Variants in RNF123 observed in about 807,000 individuals in gnomAD.
RNF123 encodes the protein E3 ubiquitin-protein ligase RNF123.
In RNF123, 86 loss-of-function variants were observed where a neutral mutation model predicts 168.5. The ratio of observed to expected loss-of-function variants is 0.51; its 90% CI spans 0.43 to 0.61. RNF123 has a LOEUF of 0.61. Among genes scored for constraint, RNF123 ranks in the 20% least tolerant of loss-of-function variants. The probability of loss-of-function intolerance (pLI) is 0.00; values close to 1 mark genes in which losing one functional copy is unlikely to be tolerated. For synonymous variants in RNF123, 666 were observed against 689.1 expected (o/e 0.97, Z 0.52); for missense variants, 1,419 against 1,729.7 (o/e 0.82, Z 3.19).
chr3:49,691,743 G>A (rs548182067), intron 3 of RNF123, among the ~76,000 whole-genome samples: 2 of 152,302 alleles, frequency 1.3e-5, no homozygotes, highest in African/African-American at 4.8e-5. Context: ...GTCAGGGAGC[G>A]GGTGCACATT....
At chr3:49,712,344 C>A in intron 26 of RNF123, 135 bp from the exon 27 acceptor site, 1 of 789,116 alleles carries the variant, frequency 1.3e-6, no homozygotes, top group Non-Finnish European at 2.0e-6. Context: ...TGAGCTACTG[C>A]TCATGCTTCC....
At position 49,697,219 on chromosome 3, in the gene RNF123, CAGGGTATGTGGCCA is replaced by C; in HGVS notation, c.245_247+11del. 1 of 1,613,940 alleles carries C rather than the reference CAGGGTATGTGGCCA, an allele frequency of 6.2e-7. No individual in the cohort carries two copies. The highest frequency in any genetic ancestry group is 8.5e-7 in the Non-Finnish European group (1 of 1,179,874). ...GGTGGACAATGAGGAGGAGGAAAGCCAGGGTATGTGGCCACCTCTGGAGTGGGGTTGGGAGGTGC... is the reference window on the plus strand; with the variant it reads ...GGTGGACAATGAGGAGGAGGAAAGCCCCTCTGGAGTGGGGTTGGGAGGTGC... On this transcript the variant is annotated splice_donor_variant and splice_donor_5th_base_variant and coding_sequence_variant and intron_variant, in exon 4 of 39. Transcript: ENST00000327697. LOFTEE classifies it high-confidence loss of function.
intron 27 of RNF123, chr3:49,712,871 A>C (rs1210251897): frequency 4.2e-6 from 3 of 707,882 alleles, no homozygotes; most frequent in Non-Finnish European, 7.7e-6. Context: ...CTAGCAAAGG[A>C]AAACAGACAA....
intron 26 of RNF123, among the ~76,000 whole-genome samples, chr3:49,709,108 C>T (rs1358599411): frequency 6.6e-6 from 1 of 150,604 alleles, no homozygotes; most frequent in Non-Finnish European, 1.5e-5. Context: ...GTGCGCACCA[C>T]CATGCTCGGC....
chr3:49,717,662 ACAGGG>A, intron 35 of RNF123: 3 of 514,252 alleles, frequency 5.8e-6, no homozygotes, highest in Non-Finnish European at 1.0e-5. Context: ...TCTCAGCCTC[ACAGGG>A]CATTTGGGCA....
intron 28 of RNF123, 39 bp from the exon 29 acceptor site, chr3:49,713,699 C>A: frequency 6.3e-7 from 1 of 1,576,326 alleles, no homozygotes; most frequent in Non-Finnish European, 8.6e-7. Context: ...GTCCAGGGCT[C>A]ATGCCAAGCC....
At chr3:49,711,928 C>T (rs140243208) in intron 26 of RNF123, among the ~76,000 whole-genome samples, 21 of 152,246 alleles carry the variant, frequency 1.4e-4, no homozygotes, top group Non-Finnish European at 2.9e-4. Context: ...ACACCTTGTA[C>T]TCCACTTTTC....
chr3:49,702,398 G>T lies in RNF123; in HGVS notation c.1622G>T (p.Gly541Val). The T allele has an allele frequency of 6.2e-7, 1 of 1,614,172 alleles. No individual in the cohort carries two copies. The highest frequency in any genetic ancestry group is 1.1e-5 in the South Asian group (1 of 91,082). ...AAGTTTCTGCAGGAGAACGCCAGTG[G>T]CCGGGGGGTAGGTGTCCTCCAGGCC... ...FRKFLQENAS[G>V]RGNMPMLCPP... The change falls in exon 19 of 39, where the codon GGC (glycine) becomes GTC (valine). Residue 541 changes from glycine to valine, a missense_variant. Gly to Val is a moderately radical substitution (Grantham distance 109, BLOSUM62 -3). Coordinates refer to ENST00000327697, the MANE Select transcript of RNF123 (RefSeq NM_022064.5).
chr3:49,714,873 C>T (rs1489834717), intron 31 of RNF123, among the ~76,000 whole-genome samples: 1 of 152,222 alleles, frequency 6.6e-6, no homozygotes, highest in Non-Finnish European at 1.5e-5. Context: ...CAAAGGGTGT[C>T]CCCAGAGAGG....
chr3:49,703,969 C>T (rs1248191524), intron 21 of RNF123, among the ~76,000 whole-genome samples: 1 of 152,108 alleles, frequency 6.6e-6, no homozygotes, highest in Non-Finnish European at 1.5e-5. Context: ...CCCAGGTGTC[C>T]CCACACAGGA....
intron 3 of RNF123, among the ~76,000 whole-genome samples, chr3:49,696,549 G>A (rs2054271728): frequency 6.6e-6 from 1 of 152,024 alleles, no homozygotes; most frequent in South Asian, 2.1e-4. Context: ...ATGTTGGCCA[G>A]GCTGGTCTTG....
intron 35 of RNF123, chr3:49,718,260 C>G: frequency 1.2e-6 from 2 of 1,612,314 alleles, no homozygotes; most frequent in Non-Finnish European, 8.5e-7. Flanking sequence ...GTGGGGCGAA[C>G]AGGTAGAGCA....
intron 2 of RNF123, 31 bp from the exon 3 acceptor site, chr3:49,691,394 G>A: frequency 6.2e-7 from 1 of 1,612,350 alleles, no homozygotes; most frequent in Non-Finnish European, 8.5e-7. Context: ...TGATCATGTG[G>A]CCCTTTTCTC....
chr3:49,711,454 T>C (rs1317972450), intron 26 of RNF123, among the ~76,000 whole-genome samples: 1 of 152,184 alleles, frequency 6.6e-6, no homozygotes, highest in Non-Finnish European at 1.5e-5. Context: ...CCATCTCCTT[T>C]GCATTGATAC....
At chr3:49,698,853 G>A (rs1382907292) in intron 9 of RNF123, 31 bp downstream of exon 9, 1 of 1,610,598 alleles carries the variant, frequency 6.2e-7, no homozygotes, top group Non-Finnish European at 8.5e-7. Flanking sequence ...CACAGGCCTG[G>A]CCCCTGGGGC....
chr3:49,719,029 A>C, intron 35 of RNF123: 1 of 1,613,892 alleles, frequency 6.2e-7, no homozygotes, highest in South Asian at 1.1e-5. Flanking sequence ...GTCCAAGTGC[A>C]CCAAGCGGTT....
intron 27 of RNF123, 64 bp from the exon 28 acceptor site, chr3:49,713,449 G>A (rs920798577): frequency 2.0e-6 from 3 of 1,499,070 alleles, no homozygotes; most frequent in Admixed American, 3.9e-5. Flanking sequence ...CACCCACCCT[G>A]CTGACATGCC....
intron 35 of RNF123, chr3:49,718,681 C>A: frequency 6.2e-7 from 1 of 1,612,984 alleles, no homozygotes; most frequent in Non-Finnish European, 8.5e-7. Flanking sequence ...CTGGAAGAAG[C>A]GCACGCGGGA....
intron 24 of RNF123, 79 bp from the exon 25 acceptor site, chr3:49,705,903 T>G: frequency 5.9e-6 from 9 of 1,516,920 alleles, no homozygotes; most frequent in Non-Finnish European, 8.2e-6. Flanking sequence ...TTGGCAGGGC[T>G]GGGGTCCAGA....
Sources: gnomAD v4.1 joint callset for allele counts (sites outside exome capture counted in the v4.1 genomes callset) on GRCh38, gnomAD v4.1.1 for gene constraint, MANE v1.5 for transcripts, NCBI Gene and HGNC (gene_info 2026-07-23, HGNC 2026-07-21) for gene names.